N4BP2L1: variants seen among roughly 807,000 people sequenced by gnomAD.
N4BP2L1 encodes NEDD4-binding protein 2-like 1.
In N4BP2L1, 12 loss-of-function variants were observed where a neutral mutation model predicts 21.2. The ratio of observed to expected loss-of-function variants is 0.57; its 90% CI spans 0.36 to 0.92. N4BP2L1 has a LOEUF of 0.92. Ranked by LOEUF, N4BP2L1 falls within the 40% of genes least tolerant of loss-of-function variation. The probability of loss-of-function intolerance (pLI) is 0.01; values close to 1 mark genes in which losing one functional copy is unlikely to be tolerated. For synonymous variants in N4BP2L1, 104 were observed against 112.8 expected, an observed-to-expected ratio of 0.92 and a Z score of 0.49; for missense variants, 259 against 310.6, an observed-to-expected ratio of 0.83 and a Z score of 1.25.
At chr13:32,413,030 T>G (rs2073946307) in intron 1 of N4BP2L1, among the ~76,000 whole-genome samples, 1 of 152,122 alleles carries the variant, frequency 6.6e-6, no homozygotes, top group South Asian at 2.1e-4. Context: ...TTCAATCAAT[T>G]CTCTTGCCTC....
At chr13:32,427,636 C>T (rs2074862053) in intron 1 of N4BP2L1, among the ~76,000 whole-genome samples, 1 of 152,114 alleles carries the variant, frequency 6.6e-6, no homozygotes, top group Admixed American at 6.5e-5. Flanking sequence ...GACAGCGCGG[C>T]GGGAAACAAA....
At chr13:32,413,062 T>G (rs945000618) in intron 1 of N4BP2L1, among the ~76,000 whole-genome samples, 11 of 152,010 alleles carry the variant, frequency 7.2e-5, no homozygotes, top group African/African-American at 2.7e-4. Flanking sequence ...AAGCTGGGAT[T>G]ATAGGCGCCC....
intron 1 of N4BP2L1, among the ~76,000 whole-genome samples, chr13:32,419,239 CTTTTTTTTTTTT>C (rs34280009): frequency 8.2e-5 from 5 of 61,320 alleles, no homozygotes; most frequent in Admixed American, 2.3e-4. Context: ...CAAGATCTGG[CTTTTTTTTTTTT>C]TTTTTTTTTT....
chr13:32,415,230 C>T (rs951948821), intron 1 of N4BP2L1, among the ~76,000 whole-genome samples: 2 of 152,176 alleles, frequency 1.3e-5, no homozygotes, highest in Admixed American at 6.5e-5. Flanking sequence ...CAGGGCCAGG[C>T]TGCACCTCCA....
chr13:32,426,504 T>C (rs1303403522), intron 1 of N4BP2L1, among the ~76,000 whole-genome samples: 3 of 152,198 alleles, frequency 2.0e-5, no homozygotes, highest in East Asian at 3.8e-4. Flanking sequence ...AGAAGTCACA[T>C]GTCCCTGCAA....
intron 1 of N4BP2L1, among the ~76,000 whole-genome samples, chr13:32,420,005 C>G (rs2074385537): frequency 6.6e-6 from 1 of 152,232 alleles, no homozygotes; most frequent in African/African-American, 2.4e-5. Context: ...AGTGCTGCCA[C>G]CCACCCCACC....
rs2073256728 is a variant in N4BP2L1, at chr13:32,403,209, A to G, written c.474-9T>C. On this transcript the variant is annotated splice_polypyrimidine_tract_variant and intron_variant, in intron 4 of 4. Coordinates refer to ENST00000380130, the MANE Select transcript of N4BP2L1 (RefSeq NM_052818.3). ...CACCATGAATGTTTCTTCTACATGG[A>G]AAAAAAATGCATTTAGTTAAGGCAG... 1.9e-6 allele frequency: 3 copies of G among 1,566,970 alleles called. No homozygotes were observed. Among genetic ancestry groups the G allele is most frequent in the Non-Finnish European group, 2.6e-6 (3 of 1,155,384 alleles).
chr13:32,419,734 C>T (rs2074371512), intron 1 of N4BP2L1, among the ~76,000 whole-genome samples: 2 of 152,278 alleles, frequency 1.3e-5, no homozygotes, highest in South Asian at 2.1e-4. Flanking sequence ...AACCTCTTTC[C>T]TTTATAAATT....
At chr13:32,404,263 C>T in intron 4 of N4BP2L1, 58 bp downstream of exon 4, 1 of 1,584,064 alleles carries the variant, frequency 6.3e-7, no homozygotes, top group Non-Finnish European at 8.7e-7. Context: ...TTTGTTCGGT[C>T]TGAAATACCT....
At chr13:32,413,196 G>T (rs1322883416) in intron 1 of N4BP2L1, among the ~76,000 whole-genome samples, 2 of 152,152 alleles carry the variant, frequency 1.3e-5, no homozygotes, top group Non-Finnish European at 2.9e-5. Context: ...AAAATGCTGG[G>T]ATTACAGGCA....
At chr13:32,415,310 C>T (rs947671761) in intron 1 of N4BP2L1, among the ~76,000 whole-genome samples, 2 of 152,198 alleles carry the variant, frequency 1.3e-5, no homozygotes, top group African/African-American at 4.8e-5. Context: ...CTGCCACACC[C>T]AACAAAGTGT....
intron 1 of N4BP2L1, among the ~76,000 whole-genome samples, chr13:32,413,041 A>G (rs577375715): frequency 6.6e-6 from 1 of 152,178 alleles, no homozygotes; most frequent in Admixed American, 6.5e-5. Context: ...CTCTTGCCTC[A>G]GCCTCCCAAG....
chr13:32,416,886 G>A (rs367631121), intron 1 of N4BP2L1, among the ~76,000 whole-genome samples: 123 of 151,764 alleles, frequency 8.1e-4, no homozygotes, highest in East Asian at 4.1e-3. Context: ...GCATGATCTC[G>A]GCTCACTGCA....
At chr13:32,407,600 T>A in intron 2 of N4BP2L1, 45 bp downstream of exon 2, 1 of 1,609,188 alleles carries the variant, frequency 6.2e-7, no homozygotes, top group East Asian at 2.2e-5. Flanking sequence ...CTACAATCTA[T>A]GTGCACATCA....
intron 1 of N4BP2L1, among the ~76,000 whole-genome samples, chr13:32,415,160 G>C (rs1475745340): frequency 6.6e-6 from 1 of 152,188 alleles, no homozygotes; most frequent in Non-Finnish European, 1.5e-5. Context: ...GGACCCAGGA[G>C]TCTAGCATCT....
chr13:32,407,682 G>T lies in N4BP2L1; in HGVS notation c.270C>A (p.Asp90Glu), dbSNP rs2073610434. 6.2e-7 allele frequency: 1 copy of T among 1,613,914 alleles called. No individual in the cohort carries two copies. The highest frequency in any genetic ancestry group is 1.3e-5 in the African/African-American group (1 of 74,910). The stretch of plus-strand genomic sequence containing the variant: ...TCCATTCATGAGCTTCCTCCAGGAA[G>T]TCAGGATTGAACTCATAGGCACCAT... ...REDGAYEFNP[D>E]FLEEAHEWNQ... The change falls in exon 2 of 5, where the codon GAC (aspartate) becomes GAA (glutamate). Residue 90 changes from aspartate to glutamate, a missense_variant. Transcript: ENST00000380130.
intron 1 of N4BP2L1, among the ~76,000 whole-genome samples, chr13:32,412,143 G>A (rs2073893606): frequency 6.6e-6 from 1 of 151,518 alleles, no homozygotes; most frequent in African/African-American, 2.4e-5. Flanking sequence ...CCTATAGTTT[G>A]CCCTCTCCTT....
intron 1 of N4BP2L1, among the ~76,000 whole-genome samples, chr13:32,420,802 T>A (rs2074430898): frequency 6.6e-6 from 1 of 152,176 alleles, no homozygotes. Flanking sequence ...CAAGTGATTC[T>A]CCTGCCTCAG....
intron 3 of N4BP2L1, among the ~76,000 whole-genome samples, chr13:32,405,996 G>C (rs903516675): frequency 7.0e-6 from 1 of 143,022 alleles, no homozygotes; most frequent in Non-Finnish European, 1.5e-5. Context: ...TCCACCTCCC[G>C]GGTTCACGCC....
Sources: gnomAD v4.1 joint callset for allele counts (sites outside exome capture counted in the v4.1 genomes callset) on GRCh38, gnomAD v4.1.1 for gene constraint, MANE v1.5 for transcripts, NCBI Gene and HGNC (gene_info 2026-07-23, HGNC 2026-07-21) for gene names.